The following AREL1 variants were observed in gnomAD, a reference collection of about 807,000 sequenced individuals.
The protein encoded by AREL1 is apoptosis resistant E3 ubiquitin protein ligase 1, also known as apoptosis-resistant E3 ubiquitin protein ligase 1.
A neutral mutation model predicts 99.0 loss-of-function variants in AREL1; 62 were observed. The observed-to-expected ratio is 0.63, with a 90% CI of 0.51 to 0.77. The LOEUF (loss-of-function observed/expected upper bound fraction) is 0.77, where lower values mean the gene tolerates loss of function less well. AREL1 is among the 30% of genes least tolerant of loss of function. The probability of loss-of-function intolerance (pLI) is 0.00; values close to 1 mark genes in which losing one functional copy is unlikely to be tolerated. For missense variants in AREL1, 879 were observed against 1,027.6 expected (o/e 0.86, Z 1.98); for synonymous variants, 380 against 376.5 (o/e 1.01, Z -0.11).
intron 8 of AREL1, among the ~76,000 whole-genome samples, chr14:74,674,840 C>A (rs1388721795): frequency 6.6e-6 from 1 of 152,030 alleles, no homozygotes; most frequent in Non-Finnish European, 1.5e-5. Flanking sequence ...CTGCTTTATA[C>A]CTATTTGAAT....
At chr14:74,695,537 G>A (rs2089967151) in intron 1 of AREL1, among the ~76,000 whole-genome samples, 1 of 152,066 alleles carries the variant, frequency 6.6e-6, no homozygotes, top group South Asian at 2.1e-4. Flanking sequence ...CCTCTACTGA[G>A]CTTCAAAACT....
At chr14:74,672,645 G>A (rs904621152) in intron 11 of AREL1, among the ~76,000 whole-genome samples, 186 bp downstream of exon 11, 1 of 152,170 alleles carries the variant, frequency 6.6e-6, no homozygotes, top group African/African-American at 2.4e-5. Context: ...GCTGAGTTGG[G>A]AGGATCACAG....
intron 5 of AREL1, among the ~76,000 whole-genome samples, chr14:74,681,242 A>C (rs1355337870): frequency 2.0e-5 from 3 of 151,984 alleles, no homozygotes; most frequent in Non-Finnish European, 4.4e-5. Context: ...ACAAAACCAC[A>C]CATCTGGTCC....
intron 2 of AREL1, among the ~76,000 whole-genome samples, chr14:74,688,565 G>A (rs530934268): frequency 6.6e-6 from 1 of 152,220 alleles, no homozygotes; most frequent in South Asian, 2.1e-4. Flanking sequence ...AAACTCAACA[G>A]ACCAATTACT....
chr14:74,669,239 A>G (rs2089276545), intron 15 of AREL1, among the ~76,000 whole-genome samples: 1 of 152,120 alleles, frequency 6.6e-6, no homozygotes, highest in Non-Finnish European at 1.5e-5. Flanking sequence ...AATAGGAATC[A>G]CCTACATCAC....
In AREL1 at chr14:74,663,835, G is replaced by A; in HGVS notation, c.2370-13C>T. 1 of 1,614,142 alleles carries A rather than the reference G, an allele frequency of 6.2e-7. No individual in the cohort carries two copies. The highest frequency in any genetic ancestry group is 8.5e-7 in the Non-Finnish European group (1 of 1,180,004). ...CAGCTGGTTAAAACTGGAAGGGCAA[G>A]GGAGAAGTGATTAACTCATACCACC... is the stretch of plus-strand genomic sequence containing the variant. On this transcript the variant is annotated splice_polypyrimidine_tract_variant and intron_variant, in intron 19 of 19. Coordinates refer to ENST00000356357, the MANE Select transcript of AREL1 (RefSeq NM_001039479.2).
chr14:74,693,801 G>A (rs1024469943), intron 1 of AREL1, among the ~76,000 whole-genome samples: 1 of 152,162 alleles, frequency 6.6e-6, no homozygotes, highest in African/African-American at 2.4e-5. Flanking sequence ...TAAAAGAACA[G>A]AATGAGTGAA....
At chr14:74,679,064 T>A (rs188532810) in intron 5 of AREL1, among the ~76,000 whole-genome samples, 1 of 152,318 alleles carries the variant, frequency 6.6e-6, no homozygotes, top group East Asian at 1.9e-4. Context: ...CACACCCAGC[T>A]AATTTATAAA....
chr14:74,671,347 TGGAGAA>T, intron 12 of AREL1, 55 bp downstream of exon 12: 1 of 304,356 alleles, frequency 3.3e-6, no homozygotes, highest in Non-Finnish European at 5.7e-6. Context: ...TTTTTTTTTG[TGGAGAA>T]GGTGCGAGTG....
chr14:74,706,619 AAG>A (rs2090184075), intron 1 of AREL1, among the ~76,000 whole-genome samples: 1 of 152,238 alleles, frequency 6.6e-6, no homozygotes, highest in Non-Finnish European at 1.5e-5. Context: ...AGTTTTACCA[AAG>A]AAAGGTCTAT....
In AREL1 at chr14:74,664,002, T is replaced by C. The variant is rs1440218182; in HGVS notation, c.2266A>G (p.Thr756Ala). 3.1e-6 allele frequency: 5 copies of C among 1,614,148 alleles called. No individual in the cohort carries two copies. The highest frequency in any genetic ancestry group is 1.7e-5 in the Admixed American group (1 of 60,014). The change falls in exon 19 of 20, where the codon ACA becomes GCA. Residue 756 changes from threonine (T) to alanine (A), a missense_variant. Transcript: ENST00000356357. Reference protein sequence around the residue: ...EELARLLQFTTGSSQLPPGGF... With the variant: ...EELARLLQFTAGSSQLPPGGF... ...CCAGGTGGTAGCTGAGAGGAGCCTG[T>C]TGTGAACTGAAGTAGCCGAGCCAAC... is the stretch of plus-strand genomic sequence containing the variant.
intron 1 of AREL1, among the ~76,000 whole-genome samples, chr14:74,703,469 C>A (rs192651479): frequency 1.3e-3 from 203 of 152,192 alleles, no homozygotes; most frequent in Middle Eastern, 3.4e-3. Flanking sequence ...GGGGACACAG[C>A]CAAACCATAT....
chr14:74,705,209 T>C (rs912736932), intron 1 of AREL1, among the ~76,000 whole-genome samples: 6 of 152,142 alleles, frequency 3.9e-5, no homozygotes, highest in African/African-American at 9.7e-5. Flanking sequence ...CCAGCTAATT[T>C]TGTATTTTTA....
intron 10 of AREL1, 50 bp downstream of exon 10, chr14:74,673,027 G>T: frequency 6.2e-7 from 1 of 1,613,882 alleles, no homozygotes; most frequent in East Asian, 2.2e-5. Context: ...CACCCTCATG[G>T]ATGTGGCTGG....
At chr14:74,688,397 G>A (rs1020899236) in intron 2 of AREL1, among the ~76,000 whole-genome samples, 1 of 152,124 alleles carries the variant, frequency 6.6e-6, no homozygotes, top group Non-Finnish European at 1.5e-5. Flanking sequence ...CAGTTATCAT[G>A]AAGCTGGCAG....
At chr14:74,677,091 G>GTA (rs2089502696) in intron 5 of AREL1, among the ~76,000 whole-genome samples, 1 of 151,070 alleles carries the variant, frequency 6.6e-6, no homozygotes, top group Non-Finnish European at 1.5e-5. Context: ...GAGCCACCAC[G>GTA]CCCGGCTGGA....
At position 74,661,387 on chromosome 14, in the gene AREL1, C is replaced by T; in HGVS notation, c.*2333G>A. 4.4e-6 allele frequency: 2 copies of T among 455,378 alleles called. No homozygotes were observed. Among genetic ancestry groups the T allele is most frequent in the South Asian group, 1.6e-5 (1 of 64,368 alleles). 28.2% of individuals were successfully genotyped at this position (455,378 alleles called of 1,614,324 possible). A position where few individuals can be genotyped will look rare whatever the true frequency, so the allele number is the denominator to read the frequency against. On this transcript the variant is annotated 3_prime_UTR_variant, in exon 20 of 20. Coordinates refer to ENST00000356357, the MANE Select transcript of AREL1 (RefSeq NM_001039479.2). Reference sequence around the variant, plus strand: ...TGCCAATTTTCCAGAAACATGCTGACACTCTCCTAGGTATTCACTCATGTC... The same window carrying T: ...TGCCAATTTTCCAGAAACATGCTGATACTCTCCTAGGTATTCACTCATGTC...
At chr14:74,697,482 T>C (rs1240473792) in intron 1 of AREL1, among the ~76,000 whole-genome samples, 1 of 152,230 alleles carries the variant, frequency 6.6e-6, no homozygotes, top group Non-Finnish European at 1.5e-5. Flanking sequence ...ACATTTACTA[T>C]GGCTTAATTC....
chr14:74,712,972 C>A lies in AREL1; in HGVS notation c.-373G>T, dbSNP rs542337660. The A allele has an allele frequency of 6.8e-4, 502 of 737,892 alleles. 3 individuals carry two copies. In the African/African-American group the frequency reaches 7.2e-3, roughly 11 times the overall value. 45.7% of individuals were successfully genotyped at this position (737,892 alleles called of 1,614,324 possible). On this transcript the variant is annotated 5_prime_UTR_variant, in exon 1 of 20. Transcript: ENST00000356357. Reference sequence around the variant, plus strand: ...GCAGCGCGACGAAGTTCCACCTCCGCTGTCCTGGGAAGGGGCGGCAGCACT... The same window carrying A: ...GCAGCGCGACGAAGTTCCACCTCCGATGTCCTGGGAAGGGGCGGCAGCACT...
Sources: allele counts gnomAD v4.1 joint callset (sites outside exome capture counted in the v4.1 genomes callset), GRCh38; gene constraint gnomAD v4.1.1; transcripts MANE v1.5; gene names NCBI Gene and HGNC (gene_info 2026-07-23, HGNC 2026-07-21).